ASAP2: variants seen among roughly 807,000 people sequenced by gnomAD.
The protein encoded by ASAP2 is ArfGAP with SH3 domain, ankyrin repeat and PH domain 2.
A neutral mutation model predicts 131.4 loss-of-function variants in ASAP2; 45 were observed. The ratio of observed to expected loss-of-function variants is 0.34; its 90% CI spans 0.27 to 0.44. The LOEUF is 0.44. Ranked by LOEUF, ASAP2 falls within the 20% of genes least tolerant of loss-of-function variation. The pLI, the probability that ASAP2 is intolerant of heterozygous loss-of-function variation, is 1.00. For synonymous variants in ASAP2, 510 were observed against 503.0 expected, an observed-to-expected ratio of 1.01 and a Z score of -0.19; for missense variants, 1,011 against 1,297.0, an observed-to-expected ratio of 0.78 and a Z score of 3.39.
chr2:9,338,619 C>A (rs184846225), intron 9 of ASAP2, among the ~76,000 whole-genome samples: 20 of 152,296 alleles, frequency 1.3e-4, no homozygotes, highest in African/African-American at 4.6e-4. Context: ...TTTGTTGATT[C>A]ACACATCCAG....
intron 2 of ASAP2, among the ~76,000 whole-genome samples, chr2:9,291,873 T>C (rs999082854): frequency 6.6e-6 from 1 of 152,084 alleles, no homozygotes; most frequent in Non-Finnish European, 1.5e-5. Flanking sequence ...GTACATGCAC[T>C]TGACTGGAAG....
Position 9,281,154 on chromosome 2 carries a change from T to C in ASAP2, c.199+1765T>C, listed in dbSNP as rs1012846102. On this transcript the variant is annotated intron_variant, in intron 2 of 27. Coordinates refer to ENST00000281419, the MANE Select transcript of ASAP2 (RefSeq NM_003887.3). The surrounding 1 kb of genome is among the most constrained non-coding windows in gnomAD (Gnocchi z 4.0). ...CTTGGAAGATTTTTTTTTTTTTTAC[T>C]GCGTTCACTTGGACTTTTTGAGTTT... is the stretch of plus-strand genomic sequence containing the variant. 6.7e-6 allele frequency among the ~76,000 whole-genome samples: 1 copy of C among 150,234 alleles called. No homozygotes were observed. The highest frequency in any genetic ancestry group is 1.5e-5 in the Non-Finnish European group (1 of 67,140).
intron 16 of ASAP2, 115 bp downstream of exon 16, chr2:9,368,634 A>G (rs1673671880): frequency 1.2e-6 from 1 of 810,442 alleles, no homozygotes; most frequent in South Asian, 1.5e-5. Flanking sequence ...TCTTTAGGGA[A>G]TAAATCAGCC....
chr2:9,320,109 A>C (rs1039833343), intron 4 of ASAP2, among the ~76,000 whole-genome samples, 179 bp from the exon 5 acceptor site: 2 of 152,250 alleles, frequency 1.3e-5, no homozygotes, highest in African/African-American at 2.4e-5. Context: ...AAGAAAGGAA[A>C]TGCCACCACT....
At chr2:9,372,387 C>T (rs1416090200) in intron 16 of ASAP2, among the ~76,000 whole-genome samples, 1 of 152,120 alleles carries the variant, frequency 6.6e-6, no homozygotes, top group Non-Finnish European at 1.5e-5. Context: ...TCCAGTTTCC[C>T]TTTATGGACT....
At chr2:9,239,859 T>C (rs574096635) in intron 1 of ASAP2, among the ~76,000 whole-genome samples, 4 of 152,016 alleles carry the variant, frequency 2.6e-5, no homozygotes, top group Non-Finnish European at 5.9e-5. Flanking sequence ...CTTGAGTAGC[T>C]TGGACTCCAG....
intron 26 of ASAP2, 70 bp downstream of exon 26, chr2:9,400,900 C>T: frequency 6.9e-7 from 1 of 1,457,006 alleles, no homozygotes; most frequent in South Asian, 1.2e-5. Flanking sequence ...CACAAGGGCT[C>T]AGGGGAAGCA....
chr2:9,236,037 C>T, intron 1 of ASAP2, among the ~76,000 whole-genome samples: 1 of 152,134 alleles, frequency 6.6e-6, no homozygotes. Flanking sequence ...CAGGACTGCA[C>T]CCACCACAAA....
chr2:9,374,337 G>C (rs1379797115), intron 16 of ASAP2, among the ~76,000 whole-genome samples: 1 of 152,264 alleles, frequency 6.6e-6, no homozygotes, highest in Non-Finnish European at 1.5e-5. Context: ...TTCATGTAGA[G>C]AATGTTGGAA....
At chr2:9,235,855 T>C (rs1663514650) in intron 1 of ASAP2, among the ~76,000 whole-genome samples, 1 of 152,132 alleles carries the variant, frequency 6.6e-6, no homozygotes, top group African/African-American at 2.4e-5. Context: ...TTCCCATGAA[T>C]GGCAAGGGCA....
At chr2:9,234,904 C>T (rs1473557719) in intron 1 of ASAP2, among the ~76,000 whole-genome samples, 1 of 151,998 alleles carries the variant, frequency 6.6e-6, no homozygotes, top group Non-Finnish European at 1.5e-5. Context: ...CTAGAAATAC[C>T]CTATTTTTCA....
At position 9,279,759 on chromosome 2, in the gene ASAP2, C is replaced by T. The variant is rs111758381; in HGVS notation, c.199+370C>T. 1.4e-3 allele frequency among the ~76,000 whole-genome samples: 209 copies of T among 150,844 alleles called. 1 individual carries two copies. Among genetic ancestry groups the T allele is most frequent in the African/African-American group, 4.5e-3 (185 of 41,038 alleles). ...TTTGCTGTTAATTGTGTCACAGTGC[C>T]CTTTCCGTTTCTCTTTTACCCAGTC... is the stretch of plus-strand genomic sequence containing the variant. On this transcript the variant is annotated intron_variant, in intron 2 of 27. Coordinates refer to ENST00000281419, the MANE Select transcript of ASAP2 (RefSeq NM_003887.3).
At chr2:9,284,364 G>T (rs1417202172) in intron 2 of ASAP2, among the ~76,000 whole-genome samples, 1 of 152,108 alleles carries the variant, frequency 6.6e-6, no homozygotes, top group Non-Finnish European at 1.5e-5. Context: ...TAGTAGTTTT[G>T]TATCTGTTGA....
chr2:9,305,868 G>T (rs1312100091), intron 3 of ASAP2, among the ~76,000 whole-genome samples: 1 of 150,750 alleles, frequency 6.6e-6, no homozygotes, highest in African/African-American at 2.4e-5. Flanking sequence ...TGTAGAGGCT[G>T]TAGTAGTGGG....
chr2:9,239,220 C>T (rs1663767808), intron 1 of ASAP2, among the ~76,000 whole-genome samples: 1 of 152,200 alleles, frequency 6.6e-6, no homozygotes, highest in Admixed American at 6.5e-5. Context: ...ACATTTTTAA[C>T]ACTGCAACTA....
At chr2:9,362,299 G>T (rs1416625646) in intron 15 of ASAP2, among the ~76,000 whole-genome samples, 1 of 152,210 alleles carries the variant, frequency 6.6e-6, no homozygotes, top group Non-Finnish European at 1.5e-5. Flanking sequence ...GGTGGGTGCA[G>T]CCTGGACAGG....
At chr2:9,229,902 G>T (rs1049158091) in intron 1 of ASAP2, among the ~76,000 whole-genome samples, 1 of 152,194 alleles carries the variant, frequency 6.6e-6, no homozygotes, top group African/African-American at 2.4e-5. Flanking sequence ...GGCCTGGAGT[G>T]ATGCTGATTT....
intron 1 of ASAP2, among the ~76,000 whole-genome samples, chr2:9,229,449 G>C (rs1663002310): frequency 6.6e-6 from 1 of 152,194 alleles, no homozygotes; most frequent in Non-Finnish European, 1.5e-5. Flanking sequence ...CTCTCACTGA[G>C]CTGGGAACCA....
At chr2:9,366,637 A>G (rs1673493524) in intron 15 of ASAP2, among the ~76,000 whole-genome samples, 1 of 152,204 alleles carries the variant, frequency 6.6e-6, no homozygotes, top group Admixed American at 6.5e-5. Flanking sequence ...ATTGCAACGC[A>G]GCCTCTAGGC....
Sources: allele counts gnomAD v4.1 joint callset (sites outside exome capture counted in the v4.1 genomes callset), GRCh38; gene constraint gnomAD v4.1.1; non-coding constraint Gnocchi (gnomAD v3.1); transcripts MANE v1.5; gene names NCBI Gene and HGNC (gene_info 2026-07-23, HGNC 2026-07-21).